Variants in PDCD6 observed in about 807,000 individuals in gnomAD.
PDCD6 encodes the protein programmed cell death protein 6.
Under a neutral mutation model 28.3 loss-of-function variants are expected in PDCD6, and 12 were observed. The observed-to-expected ratio is 0.42, with a 90% CI of 0.27 to 0.69. The LOEUF (loss-of-function observed/expected upper bound fraction) is 0.69. PDCD6 is among the 30% of genes least tolerant of loss of function. The pLI is 0.22. For synonymous variants in PDCD6, 92 were observed against 108.0 expected, an observed-to-expected ratio of 0.85 and a Z score of 0.92; for missense variants, 226 against 269.9, an observed-to-expected ratio of 0.84 and a Z score of 1.14.
At position 278,773 on chromosome 5, in the gene PDCD6, G is replaced by T. The variant is rs541110654; in HGVS notation, c.163+6001G>T. On this transcript the variant is annotated intron_variant, in intron 2 of 5. Transcript: ENST00000264933. ...AGAAAGAGATGGGGCAAGCAGGGGA[G>T]AGGGCTGGGGACACAGGGGAGGGTG... is the stretch of plus-strand genomic sequence containing the variant. 2.7e-5 allele frequency among the ~76,000 whole-genome samples: 4 copies of T among 149,688 alleles called. No homozygotes were observed. In the East Asian group the frequency reaches 8.1e-4, roughly 30 times the overall value.
intron 5 of PDCD6, among the ~76,000 whole-genome samples, chr5:312,562 ACT>A (rs1386461428): frequency 1.3e-5 from 2 of 151,492 alleles, no homozygotes; most frequent in East Asian, 3.9e-4. Flanking sequence ...AAGCTTCAAA[ACT>A]CTACGGTTGG....
intron 2 of PDCD6, among the ~76,000 whole-genome samples, chr5:300,557 C>T (rs1377232405): frequency 1.3e-5 from 2 of 152,250 alleles, no homozygotes; most frequent in African/African-American, 4.8e-5. Flanking sequence ...CAAGTGACTC[C>T]ATGGCCTTGG....
At position 271,813 on chromosome 5, in the gene PDCD6, T is replaced by A. The variant is rs762870078; in HGVS notation, c.93T>A (p.Val31=). The stretch of plus-strand genomic sequence containing the variant: ...CGGACCAGAGCTTCCTGTGGAACGT[T>A]TTCCAGAGGTGCGGCCTGGCACCGC... ...ALPDQSFLWN[V]FQRVDKDRSG... is the part of the protein sequence containing the mutation. The change falls in exon 1 of 6, where the codon GTT becomes GTA. Residue 31 remains valine (V), a synonymous_variant. Coordinates refer to ENST00000264933, the MANE Select transcript of PDCD6 (RefSeq NM_013232.4). 2.1e-6 allele frequency: 3 copies of A among 1,441,684 alleles called. No individual in the cohort carries two copies. Among genetic ancestry groups the A allele is most frequent in the Admixed American group, 2.7e-5 (1 of 37,092 alleles). 89.3% of individuals were successfully genotyped at this position (1,441,684 alleles called of 1,614,324 possible).
chr5:289,964 A>C (rs1184704190), intron 2 of PDCD6: 18 of 1,591,848 alleles, frequency 1.1e-5, no homozygotes, highest in South Asian at 5.5e-5. Flanking sequence ...CCTCTGAGAA[A>C]TTTGTCTGTT....
rs114407501 is a variant in PDCD6 at position 280,549 on chromosome 5, G to T, written c.163+7777G>T. 6.3e-3 allele frequency among the ~76,000 whole-genome samples: 895 copies of T among 141,454 alleles called. 3 individuals carry two copies. Among genetic ancestry groups the T allele is most frequent in the African/African-American group, 0.022 (831 of 37,938 alleles). 92.8% of individuals were successfully genotyped at this position (141,454 alleles called of 152,430 possible). ...GGATGGGAGCTGGCATTTAAGAGGG[G>T]AGACCATAAGCCAGGGCAGAGGGGT... On this transcript the variant is annotated intron_variant, in intron 2 of 5. Transcript: ENST00000264933.
intron 2 of PDCD6, among the ~76,000 whole-genome samples, chr5:279,917 C>G (rs961187981): frequency 6.9e-6 from 1 of 145,676 alleles, no homozygotes; most frequent in African/African-American, 2.6e-5. Context: ...TGGGCAAGTT[C>G]CGAGTGCTAG....
intron 5 of PDCD6, among the ~76,000 whole-genome samples, chr5:313,509 G>A (rs555326812): frequency 9.5e-4 from 144 of 152,144 alleles, no homozygotes; most frequent in African/African-American, 3.3e-3. Flanking sequence ...TGTCACCCCA[G>A]CTGGAATGTG....
chr5:289,782 C>T, intron 2 of PDCD6: 1 of 1,047,700 alleles, frequency 9.5e-7, no homozygotes, highest in Non-Finnish European at 1.5e-6. Flanking sequence ...ACAAAGAAAC[C>T]TTTGGTCGAT....
At chr5:313,946 G>T in intron 5 of PDCD6, 1 of 164,650 alleles carries the variant, frequency 6.1e-6, no homozygotes, top group South Asian at 1.7e-4. Flanking sequence ...CTGGACCCTC[G>T]GCTGTGAGAG....
chr5:285,102 C>T (rs1387943686), intron 2 of PDCD6, among the ~76,000 whole-genome samples: 1 of 149,226 alleles, frequency 6.7e-6, no homozygotes, highest in Non-Finnish European at 1.5e-5. Flanking sequence ...CACCAGGTCT[C>T]CAGCTGCACA....
At chr5:313,412 G>A (rs1741051852) in intron 5 of PDCD6, among the ~76,000 whole-genome samples, 1 of 152,118 alleles carries the variant, frequency 6.6e-6, no homozygotes, top group Admixed American at 6.5e-5. Context: ...GGGTGAGGCC[G>A]TAGCCTCTGC....
At chr5:276,822 G>A (rs1278325627) in intron 2 of PDCD6, 2 of 985,292 alleles carry the variant, frequency 2.0e-6, no homozygotes, top group East Asian at 1.1e-4. Flanking sequence ...TCCTTCATGA[G>A]ACTTGTTTGC....
At position 298,843 on chromosome 5, in the gene PDCD6, G is replaced by A. The variant is rs111217459; in HGVS notation, c.164-5334G>A. 3.1e-3 allele frequency among the ~76,000 whole-genome samples: 25 copies of A among 8,052 alleles called. 3 individuals are homozygous for A. Among genetic ancestry groups the A allele is most frequent in the African/African-American group, 0.024 (15 of 618 alleles). The allele number at this position is 8,052 out of a possible 152,430, so 5.3% of individuals were successfully genotyped here. A position where few individuals can be genotyped will look rare whatever the true frequency, so the allele number is the denominator to read the frequency against. Reference sequence around the variant, plus strand: ...CCCCCCCAGCTGCTCCCCCGCAGCTGCTCCCCCCAGCTGCTCCCCCAGCTG... The same window carrying A: ...CCCCCCCAGCTGCTCCCCCGCAGCTACTCCCCCCAGCTGCTCCCCCAGCTG... On this transcript the variant is annotated intron_variant, in intron 2 of 5. Coordinates refer to ENST00000264933, the MANE Select transcript of PDCD6 (RefSeq NM_013232.4).
At chr5:278,116 C>T (rs1234767829) in intron 2 of PDCD6, among the ~76,000 whole-genome samples, 2 of 152,172 alleles carry the variant, frequency 1.3e-5, no homozygotes, top group African/African-American at 2.4e-5. Flanking sequence ...CCTCTGCTGG[C>T]TCCTCCGGGG....
At chr5:285,621 A>G (rs1738902067) in intron 2 of PDCD6, among the ~76,000 whole-genome samples, 2 of 144,912 alleles carry the variant, frequency 1.4e-5, no homozygotes, top group African/African-American at 5.2e-5. Flanking sequence ...TGGGGATCTG[A>G]TGTTCCAGTT....
intron 2 of PDCD6, among the ~76,000 whole-genome samples, chr5:283,420 G>A (rs75077669): frequency 0.023 from 2,697 of 117,832 alleles, no homozygotes; most frequent in African/African-American, 0.082. Context: ...GAGAGGAGCT[G>A]ATGTTCTAGT....
chr5:280,129 A>G lies in PDCD6; in HGVS notation c.163+7357A>G, dbSNP rs533356612. ...GCAAAAGCCAGCGGGGCGAGAGGACACCATGTGTTCATCCACCTGAGGGGC... is the reference window on the plus strand; with the variant it reads ...GCAAAAGCCAGCGGGGCGAGAGGACGCCATGTGTTCATCCACCTGAGGGGC... On this transcript the variant is annotated intron_variant, in intron 2 of 5. Transcript: ENST00000264933. Among the ~76,000 whole-genome samples the G allele has an allele frequency of 7.8e-3, 1,189 of 151,762 alleles. 23 individuals are homozygous for G. Among genetic ancestry groups the G allele is most frequent in the African/African-American group, 0.028 (1,138 of 41,346 alleles).
chr5:280,496 C>T (rs936958113), intron 2 of PDCD6, among the ~76,000 whole-genome samples: 6 of 144,928 alleles, frequency 4.1e-5, no homozygotes, highest in African/African-American at 1.3e-4. Context: ...AAGTAGAGGG[C>T]AGGGCTGTGC....
chr5:299,706 T>A (rs188679540), intron 2 of PDCD6, among the ~76,000 whole-genome samples: 5 of 152,088 alleles, frequency 3.3e-5, no homozygotes, highest in African/African-American at 7.2e-5. Flanking sequence ...CACGCCGCCA[T>A]GCCTGGCTAA....
Sources: gnomAD v4.1 joint callset for allele counts (sites outside exome capture counted in the v4.1 genomes callset) on GRCh38, gnomAD v4.1.1 for gene constraint, MANE v1.5 for transcripts, NCBI Gene and HGNC (gene_info 2026-07-23, HGNC 2026-07-21) for gene names.